The following ATF6 variants were observed in gnomAD, a reference collection of about 807,000 sequenced individuals.
ATF6 encodes the protein activating transcription factor 6, also known as cyclic AMP-dependent transcription factor ATF-6 alpha.
Under a neutral mutation model 83.6 loss-of-function variants are expected in ATF6, and 53 were observed. That is an observed-to-expected ratio of 0.63 (90% CI 0.51 to 0.80). The LOEUF (loss-of-function observed/expected upper bound fraction) is 0.80. ATF6 is among the 30% of genes least tolerant of loss of function. The probability of loss-of-function intolerance (pLI) is 0.00; values close to 1 mark genes in which losing one functional copy is unlikely to be tolerated. For missense variants in ATF6, 744 were observed against 797.9 expected (o/e 0.93, Z 0.81); for synonymous variants, 288 against 285.8 (o/e 1.01, Z -0.08).
At chr1:161,896,023 A>G (rs899519908) in intron 14 of ATF6, among the ~76,000 whole-genome samples, 1 of 152,240 alleles carries the variant, frequency 6.6e-6, no homozygotes, top group African/African-American at 2.4e-5. Context: ...TCTGCATTAG[A>G]AAACTATACT....
chr1:161,828,570 G>T (rs1399791792), intron 9 of ATF6, among the ~76,000 whole-genome samples: 1 of 152,106 alleles, frequency 6.6e-6, no homozygotes, highest in Admixed American at 6.5e-5. Flanking sequence ...TGACACTCTT[G>T]GTTGCCAAAA....
chr1:161,937,007 C>A (rs1688548646), intron 15 of ATF6, among the ~76,000 whole-genome samples: 1 of 152,176 alleles, frequency 6.6e-6, no homozygotes, highest in Admixed American at 6.5e-5. Context: ...CTTCACAATG[C>A]ATCCTGAGTC....
Position 161,920,294 on chromosome 1 carries a change from C to CTTTTTT in ATF6, c.1804+7927_1804+7932dup, listed in dbSNP as rs71798307. ...TAGTTCTCTTTCTCTCTCTCTCTCT[C>CTTTTTT]TTTTTTTTTTTTTTTTTTGAGACAG... On this transcript the variant is annotated intron_variant, in intron 15 of 15. Coordinates refer to ENST00000367942, the MANE Select transcript of ATF6 (RefSeq NM_007348.4). 3.6e-3 allele frequency among the ~76,000 whole-genome samples: 197 copies of CTTTTTT among 54,768 alleles called. 48 individuals are homozygous for CTTTTTT. The highest frequency in any genetic ancestry group is 0.013 in the African/African-American group (174 of 13,410). The allele number at this position is 54,768 out of a possible 152,430, so 35.9% of individuals were successfully genotyped here.
intron 6 of ATF6, among the ~76,000 whole-genome samples, chr1:161,794,070 C>G (rs531186989): frequency 6.6e-6 from 1 of 152,176 alleles, no homozygotes; most frequent in Admixed American, 6.5e-5. Flanking sequence ...CCATGCCCAG[C>G]TAATTTTTAT....
intron 5 of ATF6, 61 bp downstream of exon 5, chr1:161,791,598 C>A: frequency 6.6e-7 from 1 of 1,509,014 alleles, no homozygotes; most frequent in Admixed American, 2.3e-5. Context: ...GGTTCCATTT[C>A]TTAAAAGAAA....
intron 7 of ATF6, among the ~76,000 whole-genome samples, chr1:161,817,389 T>C (rs1462897219): frequency 6.6e-6 from 1 of 152,218 alleles, no homozygotes; most frequent in Admixed American, 6.5e-5. Flanking sequence ...ACTGGCATTC[T>C]AAGTAACATG....
chr1:161,924,130 T>C (rs1688265526), intron 15 of ATF6, among the ~76,000 whole-genome samples: 1 of 152,252 alleles, frequency 6.6e-6, no homozygotes, highest in Admixed American at 6.5e-5. Context: ...GAAGAATTGC[T>C]TAGTAAGCAC....
intron 15 of ATF6, among the ~76,000 whole-genome samples, chr1:161,914,623 C>T (rs1159309341): frequency 6.6e-6 from 1 of 152,218 alleles, no homozygotes; most frequent in Admixed American, 6.5e-5. Context: ...TTTCAGGCAT[C>T]CCACTCTCTG....
intron 15 of ATF6, among the ~76,000 whole-genome samples, chr1:161,920,486 G>T (rs1197583694): frequency 6.6e-6 from 1 of 151,536 alleles, no homozygotes; most frequent in African/African-American, 2.4e-5. Context: ...AGTAGAGACG[G>T]GGTTTCATGA....
intron 15 of ATF6, among the ~76,000 whole-genome samples, chr1:161,929,145 A>G (rs1384793038): frequency 1.3e-5 from 2 of 152,196 alleles, no homozygotes; most frequent in Non-Finnish European, 2.9e-5. Flanking sequence ...ACAGAAGAAC[A>G]TTTGTTAGCT....
chr1:161,803,531 CGT>C (rs1291419818), intron 7 of ATF6, among the ~76,000 whole-genome samples: 1 of 152,036 alleles, frequency 6.6e-6, no homozygotes, highest in African/African-American at 2.4e-5. Flanking sequence ...TAATACATAG[CGT>C]GTGTTTCAGT....
At chr1:161,863,457 C>G (rs1004477564) in intron 14 of ATF6, 145 bp downstream of exon 14, 1 of 567,648 alleles carries the variant, frequency 1.8e-6, no homozygotes, top group Non-Finnish European at 3.2e-6. Context: ...AGTCTAAGTA[C>G]TGTAATATAT....
At chr1:161,955,936 G>A (rs1183619687) in intron 15 of ATF6, among the ~76,000 whole-genome samples, 1 of 152,066 alleles carries the variant, frequency 6.6e-6, no homozygotes, top group Non-Finnish European at 1.5e-5. Flanking sequence ...CCTTCTGGTT[G>A]GGCTTAAGAT....
intron 9 of ATF6, among the ~76,000 whole-genome samples, chr1:161,836,313 G>A (rs1686214454): frequency 6.6e-6 from 1 of 152,196 alleles, no homozygotes; most frequent in Non-Finnish European, 1.5e-5. Context: ...ACTATTGGCT[G>A]TAGGTTAAAA....
chr1:161,827,167 G>A (rs1685924615), intron 9 of ATF6, among the ~76,000 whole-genome samples: 2 of 152,178 alleles, frequency 1.3e-5, no homozygotes, highest in African/African-American at 2.4e-5. Flanking sequence ...TCCTGACCTT[G>A]TGATCTGCCC....
At chr1:161,872,171 C>A (rs888937650) in intron 14 of ATF6, among the ~76,000 whole-genome samples, 1 of 151,432 alleles carries the variant, frequency 6.6e-6, no homozygotes, top group Admixed American at 6.6e-5. Flanking sequence ...CCATTGTGAA[C>A]TCCAATAAGA....
At chr1:161,775,086 C>T (rs188667941) in intron 1 of ATF6, among the ~76,000 whole-genome samples, 2 of 151,982 alleles carry the variant, frequency 1.3e-5, no homozygotes, top group African/African-American at 4.8e-5. Context: ...GAACAAAGGC[C>T]CCAATATGAA....
At chr1:161,771,559 A>G (rs928690720) in intron 1 of ATF6, among the ~76,000 whole-genome samples, 2 of 152,118 alleles carry the variant, frequency 1.3e-5, no homozygotes, top group African/African-American at 4.8e-5. Context: ...TTTTGTCACA[A>G]TATCCCATCC....
chr1:161,768,801 G>T (rs1380246304), intron 1 of ATF6, among the ~76,000 whole-genome samples: 1 of 151,922 alleles, frequency 6.6e-6, no homozygotes, highest in Non-Finnish European at 1.5e-5. Context: ...TCTCCAACTG[G>T]CCTCAGTCAT....
Sources: gnomAD v4.1 joint callset for allele counts (sites outside exome capture counted in the v4.1 genomes callset) on GRCh38, gnomAD v4.1.1 for gene constraint, MANE v1.5 for transcripts, NCBI Gene and HGNC (gene_info 2026-07-23, HGNC 2026-07-21) for gene names.